Variants in CNKSR2 observed in about 807,000 individuals in gnomAD.
CNKSR2 encodes CNK homolog protein 2.
CNKSR2 carries 14 observed loss-of-function variants against 84.4 expected under a neutral mutation model. The observed-to-expected ratio is 0.17, with a 90% CI of 0.11 to 0.26. The LOEUF is 0.26. Ranked by LOEUF, CNKSR2 falls within the 10% of genes least tolerant of loss-of-function variation. CNKSR2 has a pLI of 1.00. For synonymous variants in CNKSR2, 275 were observed against 277.9 expected (o/e 0.99, Z 0.10); for missense variants, 485 against 771.2 (o/e 0.63, Z 4.40).
chrX:21,478,357 G>C (rs2091280988), intron 5 of CNKSR2, among the ~76,000 whole-genome samples: 1 of 111,692 alleles, frequency 9.0e-6, no homozygotes, highest in Non-Finnish European at 1.9e-5. Context: ...GAGAAATCCA[G>C]ATATAACATG....
At chrX:21,479,283 T>TAC (rs1016271615) in intron 5 of CNKSR2, among the ~76,000 whole-genome samples, 135 of 110,630 alleles carry the variant, frequency 1.2e-3, no homozygotes, top group South Asian at 2.3e-3. Context: ...GGTGTGTGTA[T>TAC]ACACACACAC....
chrX:21,534,068 A>G (rs778289826), intron 11 of CNKSR2, among the ~76,000 whole-genome samples: 57 of 109,615 alleles, frequency 5.2e-4, no homozygotes, highest in African/African-American at 1.8e-3. Context: ...CCATTAACCA[A>G]TCTCTTCAAA....
At chrX:21,479,196 G>A (rs2091290405) in intron 5 of CNKSR2, among the ~76,000 whole-genome samples, 1 of 111,409 alleles carries the variant, frequency 9.0e-6, no homozygotes, top group South Asian at 3.8e-4. Flanking sequence ...TTTCACTTAA[G>A]ATAATGGCCT....
intron 13 of CNKSR2, among the ~76,000 whole-genome samples, chrX:21,574,500 A>T (rs1390870079): frequency 8.9e-6 from 1 of 111,791 alleles, no homozygotes; most frequent in African/African-American, 3.3e-5. Context: ...GGAAGCAAAT[A>T]TGTCTTTCTT....
intron 11 of CNKSR2, among the ~76,000 whole-genome samples, chrX:21,560,981 A>G (rs2092183165): frequency 9.0e-6 from 1 of 110,534 alleles, no homozygotes; most frequent in Admixed American, 9.7e-5. Flanking sequence ...ATGTATGGTG[A>G]TAGGAGATGG....
chrX:21,627,656 G>T (rs751738304), intron 20 of CNKSR2, among the ~76,000 whole-genome samples: 5 of 111,698 alleles, frequency 4.5e-5, no homozygotes, highest in Non-Finnish European at 9.4e-5. Flanking sequence ...GCTTGTGGAG[G>T]GAAACTCCCA....
chrX:21,571,311 C>T (rs1403759514), intron 13 of CNKSR2, among the ~76,000 whole-genome samples: 1 of 111,902 alleles, frequency 8.9e-6, no homozygotes, highest in Non-Finnish European at 1.9e-5. Context: ...TGAGCACATG[C>T]TATCGGAAAA....
chrX:21,551,337 A>G (rs1048171719), intron 11 of CNKSR2, among the ~76,000 whole-genome samples: 4 of 112,422 alleles, frequency 3.6e-5, no homozygotes, highest in African/African-American at 1.3e-4. Context: ...TGCATTCTGC[A>G]CATGTATCCC....
chrX:21,531,502 A>G (rs1428844677), intron 10 of CNKSR2, among the ~76,000 whole-genome samples: 1 of 111,295 alleles, frequency 9.0e-6, no homozygotes, highest in Non-Finnish European at 1.9e-5. Flanking sequence ...TATATACTTA[A>G]GTTAACATTA....
At position 21,648,998 on chromosome X, in the gene CNKSR2, C is replaced by T. The variant is rs2092714160; in HGVS notation, c.2860C>T (p.Arg954Trp). The change falls in exon 21 of 22, where the codon CGG becomes TGG. Residue 954 changes from arginine to tryptophan, a missense_variant. Transcript: ENST00000379510. Reference sequence around the variant, plus strand: ...TCCTGTAATGAATGAAAAACTACACCGGCTGAGAATTCTCAAAAGCACTTT... The same window carrying T: ...TCCTGTAATGAATGAAAAACTACACTGGCTGAGAATTCTCAAAAGCACTTT... The part of the protein sequence containing the change: ...NDPVMNEKLH[R>W]LRILKSTLKA... 2.5e-6 allele frequency: 3 copies of T among 1,197,304 alleles called. No individual in the cohort carries two copies. Among genetic ancestry groups the T allele is most frequent in the Non-Finnish European group, 2.3e-6 (2 of 887,659 alleles).
intron 9 of CNKSR2, among the ~76,000 whole-genome samples, chrX:21,524,678 T>C (rs769136283): frequency 9.0e-6 from 1 of 110,593 alleles, no homozygotes. Context: ...TCCTTTTTGT[T>C]TGGGGAGAAG....
intron 6 of CNKSR2, chrX:21,495,687 G>A (rs1002992037): frequency 4.0e-5 from 4 of 100,844 alleles, no homozygotes; most frequent in Admixed American, 1.1e-4. Flanking sequence ...GGAGGCTGAG[G>A]CAGGAGAATC....
At chrX:21,540,532 A>T (rs1036329016) in intron 11 of CNKSR2, among the ~76,000 whole-genome samples, 8 of 111,087 alleles carry the variant, frequency 7.2e-5, no homozygotes, top group African/African-American at 2.3e-4. Context: ...TATATTGTTT[A>T]AAAAAAAACT....
chrX:21,464,015 G>A lies in CNKSR2; in HGVS notation c.520-6751G>A, dbSNP rs191436255. 9.8e-5 allele frequency among the ~76,000 whole-genome samples: 11 copies of A among 111,804 alleles called. No homozygotes were observed. In the East Asian group the frequency reaches 3.1e-3, roughly 32 times the overall value. ...GTCCACTGTCTCTGGGCCCAGCTTA[G>A]CACTAGGACTTGCCTAAGAGTTGCT... On this transcript the variant is annotated intron_variant, in intron 4 of 21. Transcript: ENST00000379510.
chrX:21,639,096 A>C (rs2092683292), intron 20 of CNKSR2, among the ~76,000 whole-genome samples: 1 of 112,499 alleles, frequency 8.9e-6, no homozygotes, highest in African/African-American at 3.2e-5. Context: ...ATCAGGATAA[A>C]TGAAGTTGTC....
chrX:21,648,845 G>C lies in CNKSR2; in HGVS notation c.2707G>C (p.Glu903Gln). The C allele has an allele frequency of 1.2e-6, 1 of 812,375 alleles. No individual in the cohort carries two copies. Among genetic ancestry groups the C allele is most frequent in the Non-Finnish European group, 1.6e-6 (1 of 608,785 alleles). 66.9% of individuals were successfully genotyped at this position (812,375 alleles called of 1,213,427 possible). A position where few individuals can be genotyped will look rare whatever the true frequency, so the allele number is the denominator to read the frequency against. ...GGATGTTGCAGGTGAAAGCAGAGAA[G>C]AAAAGTTAGGAGACTCATTGCAAGA... ...NIGEKSESRE[E>Q]KLGDSLQDLY... Residue 903 changes from glutamate (E) to glutamine (Q), a missense_variant, in exon 21 of 22, where the codon GAA becomes CAA. This residue lies in a region of CNKSR2 where 210 missense variants were observed against 291.5 expected (regional missense o/e 0.72). Transcript: ENST00000379510.
intron 8 of CNKSR2, among the ~76,000 whole-genome samples, chrX:21,508,340 A>T (rs1214035072): frequency 1.8e-5 from 2 of 111,827 alleles, no homozygotes; most frequent in African/African-American, 6.5e-5. Flanking sequence ...AAAAAAAGAA[A>T]AACCTGTATT....
chrX:21,471,327 A>T (rs1211304872), intron 5 of CNKSR2, among the ~76,000 whole-genome samples: 4 of 112,121 alleles, frequency 3.6e-5, no homozygotes, highest in African/African-American at 1.3e-4. Flanking sequence ...CGTACATTAT[A>T]CTTTGTGGAA....
intron 11 of CNKSR2, among the ~76,000 whole-genome samples, chrX:21,546,885 A>C (rs777050606): frequency 9.8e-5 from 11 of 111,952 alleles, no homozygotes; most frequent in African/African-American, 3.6e-4. Context: ...ATGCTGAGAG[A>C]TTTTGTCACT....
Sources: gnomAD v4.1 joint callset for allele counts (sites outside exome capture counted in the v4.1 genomes callset) on GRCh38, gnomAD v4.1.1 for gene constraint, gnomAD v4.1.1 regional missense constraint, MANE v1.5 for transcripts, NCBI Gene and HGNC (gene_info 2026-07-23, HGNC 2026-07-21) for gene names.